The following COG5 variants were observed in gnomAD, a reference collection of about 807,000 sequenced individuals.
COG5 encodes conserved oligomeric Golgi complex subunit 5.
A neutral mutation model predicts 110.4 loss-of-function variants in COG5; 86 were observed. That is an observed-to-expected ratio of 0.78 (90% CI 0.65 to 0.93). The LOEUF (loss-of-function observed/expected upper bound fraction) is 0.93. Among genes scored for constraint, COG5 ranks in the 40% least tolerant of loss-of-function variants. The probability of loss-of-function intolerance (pLI) is 0.00; values close to 1 mark genes in which losing one functional copy is unlikely to be tolerated. For missense variants in COG5, 1,077 were observed against 987.0 expected (o/e 1.09, Z -1.22); for synonymous variants, 360 against 334.6 (o/e 1.08, Z -0.83).
At chr7:107,311,552 C>G (rs1301994095) in intron 11 of COG5, among the ~76,000 whole-genome samples, 1 of 149,814 alleles carries the variant, frequency 6.7e-6, no homozygotes, top group Non-Finnish European at 1.5e-5. Flanking sequence ...CGCCACCGCG[C>G]CCGGCTAATT....
intron 10 of COG5, among the ~76,000 whole-genome samples, chr7:107,338,283 C>T (rs553811806): frequency 5.3e-5 from 8 of 151,860 alleles, no homozygotes; most frequent in South Asian, 2.1e-4. Context: ...AGTATGGTAC[C>T]GGTATGAAAC....
chr7:107,302,869 G>A (rs552856804), intron 11 of COG5, among the ~76,000 whole-genome samples: 3 of 152,206 alleles, frequency 2.0e-5, no homozygotes, highest in African/African-American at 4.8e-5. Flanking sequence ...TATAATATTT[G>A]GAGGCATGTG....
In COG5 at chr7:107,223,646, A is replaced by G. The variant is rs909567288; in HGVS notation, c.2168+6969T>C. ...TTTAGATTCTCTTTAAAATTTTCTG[A>G]TTTTCCTGGATGATACACGTAAGCA... is the stretch of plus-strand genomic sequence containing the variant. On this transcript the variant is annotated intron_variant, in intron 19 of 21. Transcript: ENST00000297135. Among the ~76,000 whole-genome samples the G allele has an allele frequency of 3.2e-4, 48 of 152,084 alleles. 3 individuals carry two copies. The highest frequency in any genetic ancestry group is 5.9e-5 in the Non-Finnish European group (4 of 68,014).
At chr7:107,366,399 G>A (rs887144468) in intron 8 of COG5, among the ~76,000 whole-genome samples, 2 of 152,056 alleles carry the variant, frequency 1.3e-5, no homozygotes, top group Non-Finnish European at 2.9e-5. Context: ...GGAAAACAGA[G>A]AATATCTGAT....
At chr7:107,398,266 TTCA>T (rs1373503678) in intron 7 of COG5, among the ~76,000 whole-genome samples, 2 of 152,210 alleles carry the variant, frequency 1.3e-5, no homozygotes, top group African/African-American at 4.8e-5. Flanking sequence ...CTGAATATTA[TTCA>T]TCAATGAAAA....
At chr7:107,223,306 T>C (rs1166184403) in intron 19 of COG5, among the ~76,000 whole-genome samples, 1 of 152,092 alleles carries the variant, frequency 6.6e-6, no homozygotes, top group Non-Finnish European at 1.5e-5. Flanking sequence ...CTGTAGAAGG[T>C]GAGCATTTCT....
intron 6 of COG5, among the ~76,000 whole-genome samples, chr7:107,500,358 C>T (rs983826928): frequency 6.6e-6 from 1 of 152,140 alleles, no homozygotes; most frequent in Admixed American, 6.5e-5. Context: ...AATTTAGATA[C>T]GGATTTCTTT....
rs1373692393 is a variant in COG5, at chr7:107,475,486, T to C, written c.538+51751A>G. The C allele has an allele frequency of 7.0e-6, 4 of 568,748 alleles. No homozygotes were observed. The Admixed American group carries it at 1.1e-4, about 15-fold the overall frequency. The allele number at this position is 568,748 out of a possible 1,614,324, so 35.2% of individuals were successfully genotyped here. On this transcript the variant is annotated intron_variant, in intron 6 of 21. Coordinates refer to ENST00000297135, the MANE Select transcript of COG5 (RefSeq NM_006348.5). ...TATTGGTTATGTTGTAAATTTTCAA[T>C]GTGAATGTCAATTAGATAGGTCATA...
At chr7:107,430,732 A>T (rs759727788) in intron 6 of COG5, among the ~76,000 whole-genome samples, 2 of 152,194 alleles carry the variant, frequency 1.3e-5, no homozygotes, top group Non-Finnish European at 2.9e-5. Flanking sequence ...ATATTAATGT[A>T]CTCTAAGGAT....
rs1798388812 is a variant in COG5 at position 107,202,290 on chromosome 7, T to TCC, written c.*1225_*1226insGG. The TCC allele has an allele frequency of 2.0e-5, 3 of 152,652 alleles. No individual in the cohort carries two copies. The highest frequency in any genetic ancestry group is 4.4e-5 in the Non-Finnish European group (3 of 68,046). The allele number at this position is 152,652 out of a possible 1,614,324, so 9.5% of individuals were successfully genotyped here. A position where few individuals can be genotyped will look rare whatever the true frequency, so the allele number is the denominator to read the frequency against. ...CTTACTGCAGTGCAACACTTGCACT[T>TCC]TAATTTTCCTCCAACTGTCTAAAAT... On this transcript the variant is annotated 3_prime_UTR_variant, in exon 22 of 22. Transcript: ENST00000297135.
At chr7:107,544,995 TA>T in intron 5 of COG5, among the ~76,000 whole-genome samples, 1 of 151,910 alleles carries the variant, frequency 6.6e-6, no homozygotes, top group African/African-American at 2.4e-5. Context: ...ATGACTGAAC[TA>T]AAAAAATTCC....
chr7:107,558,177 CAACAG>C, intron 1 of COG5, 62 bp from the exon 2 acceptor site: 1 of 1,505,756 alleles, frequency 6.6e-7, no homozygotes, highest in South Asian at 1.1e-5. Flanking sequence ...AGTTATTAAA[CAACAG>C]AACAATTATA....
intron 6 of COG5, among the ~76,000 whole-genome samples, chr7:107,510,298 A>G (rs1799399751): frequency 1.3e-5 from 2 of 152,186 alleles, no homozygotes; most frequent in Admixed American, 6.5e-5. Flanking sequence ...AAAGAGACAA[A>G]GAAGGCCATT....
chr7:107,368,823 C>CA (rs1311042925), intron 8 of COG5, among the ~76,000 whole-genome samples: 1 of 152,080 alleles, frequency 6.6e-6, no homozygotes, highest in Non-Finnish European at 1.5e-5. Flanking sequence ...TTCAGGCATA[C>CA]AAAAAAGCAT....
chr7:107,511,201 G>C (rs558237536), intron 6 of COG5, among the ~76,000 whole-genome samples: 1 of 151,994 alleles, frequency 6.6e-6, no homozygotes, highest in African/African-American at 2.4e-5. Context: ...AATAAAAAAT[G>C]ATAAAGGGGA....
chr7:107,401,295 G>A (rs529981653), intron 7 of COG5, among the ~76,000 whole-genome samples: 92 of 152,038 alleles, frequency 6.1e-4, no homozygotes, highest in Non-Finnish European at 2.2e-4. Flanking sequence ...TAAATGATTA[G>A]TTTTAAAATA....
At chr7:107,240,133 T>C (rs1167848648) in intron 17 of COG5, among the ~76,000 whole-genome samples, 1 of 152,232 alleles carries the variant, frequency 6.6e-6, no homozygotes, top group East Asian at 1.9e-4. Flanking sequence ...TTAATTTTTG[T>C]CTAATTTGGA....
At chr7:107,419,339 AT>A (rs1193935779) in intron 6 of COG5, among the ~76,000 whole-genome samples, 5 of 152,062 alleles carry the variant, frequency 3.3e-5, no homozygotes, top group African/African-American at 1.2e-4. Context: ...CTCACAATAT[AT>A]AAAACCAATA....
intron 11 of COG5, among the ~76,000 whole-genome samples, chr7:107,320,543 T>C (rs1487243468): frequency 6.6e-6 from 1 of 152,176 alleles, no homozygotes; most frequent in East Asian, 1.9e-4. Flanking sequence ...GATTCAGTAA[T>C]CAGCACAAGG....
Sources: allele counts gnomAD v4.1 joint callset (sites outside exome capture counted in the v4.1 genomes callset), GRCh38; gene constraint gnomAD v4.1.1; transcripts MANE v1.5; gene names NCBI Gene and HGNC (gene_info 2026-07-23, HGNC 2026-07-21).